The following ACTN2 variants were observed in gnomAD, a reference collection of about 807,000 sequenced individuals.
ACTN2 encodes actinin alpha 2.
ACTN2 carries 39 observed loss-of-function variants against 113.8 expected under a neutral mutation model. The observed-to-expected ratio is 0.34, with a 90% CI of 0.27 to 0.45. ACTN2 has a LOEUF of 0.45. ACTN2 is among the 20% of genes least tolerant of loss of function. ACTN2 has a pLI of 1.00. For missense variants in ACTN2, 992 were observed against 1,177.9 expected (o/e 0.84, Z 2.31); for synonymous variants, 429 against 444.1 (o/e 0.97, Z 0.43).
intron 9 of ACTN2, among the ~76,000 whole-genome samples, 153 bp from the exon 10 acceptor site, chr1:236,739,149 T>A (rs1658986691): frequency 1.3e-5 from 2 of 152,092 alleles, no homozygotes; most frequent in African/African-American, 4.8e-5. Context: ...ACACTGAACA[T>A]CTCGTTCATG....
At chr1:236,701,435 A>G (rs1047864710) in intron 1 of ACTN2, among the ~76,000 whole-genome samples, 3 of 152,164 alleles carry the variant, frequency 2.0e-5, no homozygotes, top group African/African-American at 7.2e-5. Context: ...TAAATCTTTT[A>G]GAAGACCAAG....
chr1:236,700,794 G>A (rs1264328726), intron 1 of ACTN2, among the ~76,000 whole-genome samples: 3 of 152,200 alleles, frequency 2.0e-5, no homozygotes, highest in Admixed American at 6.5e-5. Context: ...TTTAGGGGCC[G>A]TCTTGCCAAG....
At chr1:236,742,454 C>T (rs766358699) in intron 10 of ACTN2, among the ~76,000 whole-genome samples, 2 of 152,154 alleles carry the variant, frequency 1.3e-5, no homozygotes, top group South Asian at 4.2e-4. Flanking sequence ...CCTGTAATCC[C>T]GGCTACAGGG....
intron 15 of ACTN2, 81 bp from the exon 16 acceptor site, chr1:236,753,866 T>G: frequency 2.8e-5 from 9 of 325,888 alleles, no homozygotes; most frequent in Non-Finnish European, 4.1e-5. Context: ...CCCCCACCCC[T>G]TGGACTATTC....
Position 236,757,515 on chromosome 1 carries a change from G to C in ACTN2, c.2184G>C (p.Leu728=). ...TTCGTGTTGGATGGGAGCTGCTGCTGACAACCATCGCCAGAACCATCAATG... is the reference window on the plus strand; with the variant it reads ...TTCGTGTTGGATGGGAGCTGCTGCTCACAACCATCGCCAGAACCATCAATG... The part of the protein sequence containing the change: ...EHIRVGWELL[L]TTIARTINEV... The change falls in exon 18 of 21, where the codon CTG becomes CTC. Residue 728 remains leucine, a synonymous_variant. Transcript: ENST00000366578. 6.2e-7 allele frequency: 1 copy of C among 1,614,140 alleles called. No individual in the cohort carries two copies. The highest frequency in any genetic ancestry group is 8.5e-7 in the Non-Finnish European group (1 of 1,180,024).
intron 1 of ACTN2, among the ~76,000 whole-genome samples, chr1:236,687,414 T>C (rs1229759473): frequency 6.6e-6 from 1 of 152,184 alleles, no homozygotes; most frequent in East Asian, 1.9e-4. Flanking sequence ...CCCATTTTGA[T>C]TGGCGTTCTC....
At chr1:236,704,327 T>C (rs115501146) in intron 1 of ACTN2, among the ~76,000 whole-genome samples, 2,246 of 152,302 alleles carry the variant, frequency 0.015, 56 homozygotes, top group African/African-American at 0.05. Flanking sequence ...ACCAAATGTG[T>C]GTGGTCTCCT....
Position 236,762,728 on chromosome 1 carries a change from GGA to G in ACTN2, c.*110_*111del. 13 of 1,395,928 alleles carry G rather than the reference GGA, an allele frequency of 9.3e-6. No individual in the cohort carries two copies. Among genetic ancestry groups the G allele is most frequent in the East Asian group, 2.5e-5 (1 of 40,212 alleles). The allele number at this position is 1,395,928 out of a possible 1,614,324, so 86.5% of individuals were successfully genotyped here. On this transcript the variant is annotated 3_prime_UTR_variant, in exon 21 of 21. Coordinates refer to ENST00000366578, the MANE Select transcript of ACTN2 (RefSeq NM_001103.4). ...TTTATTAAGTTGAGAGAGAGAGAGG[GGA>G]AAAAAAAAAGCCTTTCGTAGTTCAG...
At chr1:236,722,918 G>C (rs933484198) in intron 4 of ACTN2, among the ~76,000 whole-genome samples, 1 of 152,152 alleles carries the variant, frequency 6.6e-6, no homozygotes, top group Admixed American at 6.5e-5. Context: ...TTAACCTTTT[G>C]CTGAAAGCCT....
intron 1 of ACTN2, among the ~76,000 whole-genome samples, chr1:236,701,209 C>A (rs1488894427): frequency 6.6e-6 from 1 of 152,184 alleles, no homozygotes; most frequent in Non-Finnish European, 1.5e-5. Flanking sequence ...CATACACAGG[C>A]AGCCTCATGG....
intron 12 of ACTN2, among the ~76,000 whole-genome samples, chr1:236,745,866 A>G (rs1019595498): frequency 6.6e-6 from 1 of 152,186 alleles, no homozygotes; most frequent in Non-Finnish European, 1.5e-5. Flanking sequence ...ATTACGTTTT[A>G]AAACTGCCAC....
rs370862426 is a variant in ACTN2 at position 236,755,152 on chromosome 1, A to T, written c.2108A>T (p.Gln703Leu). 12 of 1,614,214 alleles carry T rather than the reference A, an allele frequency of 7.4e-6. No individual in the cohort carries two copies. In the East Asian group the frequency reaches 2.7e-4, roughly 36 times the overall value. ...CTGGAGGGAGACCATCAGCTCATCC[A>T]GGAGGCCCTTGTCTTTGACAACAAG... ...DKLEGDHQLI[Q>L]EALVFDNKHT... The change falls in exon 17 of 21, where the codon CAG (glutamine) becomes CTG (leucine). Residue 703 changes from glutamine (Q) to leucine (L), a missense_variant. Gln to Leu is a moderately radical substitution (Grantham distance 113). This residue lies in a region of ACTN2 where 736 missense variants were observed against 815.4 expected (regional missense o/e 0.90). Transcript: ENST00000366578.
At chr1:236,706,977 AG>A (rs1284796803) in intron 1 of ACTN2, among the ~76,000 whole-genome samples, 2 of 152,174 alleles carry the variant, frequency 1.3e-5, no homozygotes, top group Admixed American at 6.5e-5. Context: ...CAGCCTGGGA[AG>A]CCGGTTGTGG....
At chr1:236,686,837 G>T in intron 1 of ACTN2, 38 bp downstream of exon 1, 1 of 1,399,954 alleles carries the variant, frequency 7.1e-7, no homozygotes, top group Non-Finnish European at 9.3e-7. Context: ...GCGTGGTGGG[G>T]CCGGGTCCCC....
At chr1:236,715,692 A>T (rs1281770553) in intron 1 of ACTN2, among the ~76,000 whole-genome samples, 2 of 152,222 alleles carry the variant, frequency 1.3e-5, no homozygotes, top group Non-Finnish European at 2.9e-5. Context: ...GTGGTGGCTC[A>T]TGCCTGTAAT....
chr1:236,740,208 G>A (rs1259061275), intron 10 of ACTN2, among the ~76,000 whole-genome samples: 1 of 151,802 alleles, frequency 6.6e-6, no homozygotes, highest in Non-Finnish European at 1.5e-5. Flanking sequence ...CCGCCTCCCG[G>A]GTTCAAGCAA....
At chr1:236,733,413 G>C (rs772699420) in intron 7 of ACTN2, among the ~76,000 whole-genome samples, 1 of 152,164 alleles carries the variant, frequency 6.6e-6, no homozygotes, top group Non-Finnish European at 1.5e-5. Context: ...TCTGAGTCCT[G>C]ATCTGGGCAG....
chr1:236,761,013 A>G lies in ACTN2; in HGVS notation c.2368-2A>G. The stretch of plus-strand genomic sequence containing the variant: ...ACATGTTTCTTTGCCACTTTGCCCC[A>G]GGGTGAAGCCGAATTTGCCCGCATT... On this transcript the variant is annotated splice_acceptor_variant, in intron 19 of 20. Transcript: ENST00000366578. LOFTEE classifies it high-confidence loss of function. 2 of 1,614,218 alleles carry G rather than the reference A, an allele frequency of 1.2e-6. No homozygotes were observed. Among genetic ancestry groups the G allele is most frequent in the Non-Finnish European group, 1.7e-6 (2 of 1,180,036 alleles).
At chr1:236,705,207 A>AAT (rs1414755372) in intron 1 of ACTN2, among the ~76,000 whole-genome samples, 1 of 147,118 alleles carries the variant, frequency 6.8e-6, no homozygotes, top group African/African-American at 2.7e-5. Context: ...TGTGTGTATA[A>AAT]ATATATATAT....
Sources: gnomAD v4.1 joint callset for allele counts (sites outside exome capture counted in the v4.1 genomes callset) on GRCh38, gnomAD v4.1.1 for gene constraint, gnomAD v4.1.1 regional missense constraint, MANE v1.5 for transcripts, NCBI Gene and HGNC (gene_info 2026-07-23, HGNC 2026-07-21) for gene names.